CTC1: variants seen among roughly 807,000 people sequenced by gnomAD.
CTC1 encodes the protein CST telomere replication complex component 1.
Under a neutral mutation model 136.3 loss-of-function variants are expected in CTC1, and 91 were observed. The observed-to-expected ratio is 0.67, with a 90% CI of 0.56 to 0.79. The LOEUF is 0.79. CTC1 is among the 30% of genes least tolerant of loss of function. CTC1 has a pLI of 0.00. For missense variants in CTC1, 1,432 were observed against 1,498.1 expected (o/e 0.96, Z 0.73); for synonymous variants, 606 against 613.8 (o/e 0.99, Z 0.19).
intron 10 of CTC1, among the ~76,000 whole-genome samples, chr17:8,233,936 C>T (rs1036589123): frequency 2.0e-5 from 3 of 151,910 alleles, no homozygotes; most frequent in African/African-American, 4.8e-5. Context: ...GATCCTGTCT[C>T]GAAAAAAAGG....
intron 20 of CTC1, 86 bp downstream of exon 20, chr17:8,229,056 A>G (rs1317382541): frequency 6.7e-7 from 1 of 1,502,528 alleles, no homozygotes; most frequent in Non-Finnish European, 9.1e-7. Flanking sequence ...CTCATGAGCC[A>G]GGAATTATGC....
intron 1 of CTC1, among the ~76,000 whole-genome samples, chr17:8,244,339 T>C (rs1988507413): frequency 2.6e-5 from 4 of 152,178 alleles, no homozygotes; most frequent in Admixed American, 2.0e-4. Flanking sequence ...GGACACACAC[T>C]TGCCATGATA....
Position 8,235,161 on chromosome 17 carries a change from G to C in CTC1, c.1331C>G (p.Ser444Cys). 1.2e-6 allele frequency: 2 copies of C among 1,614,188 alleles called. No individual in the cohort carries two copies. Among genetic ancestry groups the C allele is most frequent in the Non-Finnish European group, 1.7e-6 (2 of 1,180,028 alleles). Residue 444 changes from serine (S) to cysteine (C), a missense_variant, in exon 8 of 23, where the codon TCC becomes TGC. Ser to Cys is a moderately radical substitution (Grantham distance 112). Transcript: ENST00000651323. ...CAGGGAGGCCCCGTAGGCTTGACGG[G>C]ATGAGTGAGCCCCAGGCTTCTGACG... is the stretch of plus-strand genomic sequence containing the variant. The part of the protein sequence containing the change: ...FSRQKPGAHS[S>C]RQAYGASLYE...
rs1987952101 is a variant in CTC1, at chr17:8,238,613, C to T, written c.214G>A (p.Asp72Asn). ...GGGAGACGCTGGTGAGTCTTGAGGT[C>T]CTGTACTGAGACGAAGCTGTAGAGT... ...PLSYSFVSVQ[D>N]LKTHQRLPCC... The change falls in exon 3 of 23, where the codon GAC becomes AAC. Residue 72 changes from aspartate (D) to asparagine (N), a missense_variant. Coordinates refer to ENST00000651323, the MANE Select transcript of CTC1 (RefSeq NM_025099.6). The T allele has an allele frequency of 6.2e-7, 1 of 1,605,794 alleles. No individual in the cohort carries two copies. The highest frequency in any genetic ancestry group is 8.5e-7 in the Non-Finnish European group (1 of 1,175,742).
chr17:8,234,887 T>A lies in CTC1; in HGVS notation c.1479A>T (p.Gln493His). 6.2e-7 allele frequency: 1 copy of A among 1,610,078 alleles called. No homozygotes were observed. The highest frequency in any genetic ancestry group is 8.5e-7 in the Non-Finnish European group (1 of 1,178,028). The change falls in exon 9 of 23, where the codon CAA becomes CAT. Residue 493 changes from glutamine to histidine, a missense_variant. Gln to His is a conservative substitution (Grantham distance 24). Coordinates refer to ENST00000651323, the MANE Select transcript of CTC1 (RefSeq NM_025099.6). ...PHVLRHHQFL[Q>H]HSSPGSPSLG... ...GGCTGGGGCTCCCAGGAGAGGAATGTTGCAGGAACTGGTGGTGTCTCAGCA... is the reference window on the plus strand; with the variant it reads ...GGCTGGGGCTCCCAGGAGAGGAATGATGCAGGAACTGGTGGTGTCTCAGCA...
intron 10 of CTC1, 22 bp downstream of exon 10, chr17:8,234,433 G>A: frequency 6.5e-7 from 1 of 1,548,690 alleles, no homozygotes; most frequent in Non-Finnish European, 8.7e-7. Flanking sequence ...AATCACCTGA[G>A]CCCTGCTAGG....
In CTC1 at chr17:8,234,583, A is replaced by G. The variant is rs1157046549; in HGVS notation, c.1690T>C (p.Trp564Arg). 6.2e-7 allele frequency: 1 copy of G among 1,607,778 alleles called. No homozygotes were observed. The highest frequency in any genetic ancestry group is 1.3e-5 in the African/African-American group (1 of 74,894). The stretch of plus-strand genomic sequence containing the variant: ...AGGGCCTTAGGGTCAAAGGAGGCCC[A>G]GGCCTTACGCTGTCCTTCTTCTTTC... ...TLKEEGQRKA[W>R]ASFDPKALLP... is the part of the protein sequence containing the mutation. The change falls in exon 10 of 23, where the codon TGG becomes CGG. Residue 564 changes from tryptophan (W) to arginine (R), a missense_variant. By Grantham distance (101) the Trp-to-Arg change is moderately radical. Transcript: ENST00000651323.
At chr17:8,242,556 ATATAT>A (rs201606952) in intron 2 of CTC1, among the ~76,000 whole-genome samples, 11,793 of 63,058 alleles carry the variant, frequency 0.19, 1,084 homozygotes, top group East Asian at 0.44. Context: ...AAAAAAAAAT[ATATAT>A]ATATATATAT....
intron 2 of CTC1, among the ~76,000 whole-genome samples, chr17:8,240,931 C>T (rs7226046): frequency 0.02 from 2,984 of 152,118 alleles, 105 homozygotes; most frequent in African/African-American, 0.068. Flanking sequence ...TTAATGCCTA[C>T]CAAATAGGGA....
rs1237260493 is a variant in CTC1, at chr17:8,234,601, CTTCT to C, written c.1668_1671del (p.Glu557LysfsTer90). On this transcript the variant is annotated frameshift_variant, in exon 10 of 23. Transcript: ENST00000651323. LOFTEE classifies it high-confidence loss of function. ...GAGGCCCAGGCCTTACGCTGTCCTT[CTTCT>C]TTCAGGGTGGCCAGAGTGGGGAAGG... is the stretch of plus-strand genomic sequence containing the variant. 3 of 1,612,088 alleles carry C rather than the reference CTTCT, an allele frequency of 1.9e-6. No homozygotes were observed. The highest frequency in any genetic ancestry group is 2.5e-6 in the Non-Finnish European group (3 of 1,179,126).
intron 2 of CTC1, among the ~76,000 whole-genome samples, chr17:8,240,716 C>T (rs948690166): frequency 6.8e-6 from 1 of 147,436 alleles, no homozygotes; most frequent in African/African-American, 2.5e-5. Context: ...CCCGTCTCTA[C>T]CAAAAATACA....
chr17:8,240,932 C>T lies in CTC1; in HGVS notation c.197+2053G>A, dbSNP rs1023605006. On this transcript the variant is annotated intron_variant, in intron 2 of 22. Transcript: ENST00000651323. ...TAACAAAATATCATTTAATGCCTAC[C>T]AAATAGGGAAAAATAAATAAAAATA... Among the ~76,000 whole-genome samples, 5 of 152,110 alleles carry T rather than the reference C, an allele frequency of 3.3e-5. No individual in the cohort carries two copies. In the East Asian group the frequency reaches 7.7e-4, roughly 24 times the overall value.
chr17:8,232,511 G>A (rs1290929877), intron 11 of CTC1, 36 bp from the exon 12 acceptor site: 6 of 1,572,656 alleles, frequency 3.8e-6, no homozygotes, highest in Non-Finnish European at 4.4e-6. Context: ...GACAAGAAAG[G>A]AGACCTGTGG....
chr17:8,245,815 C>T (rs1020073529), intron 1 of CTC1, among the ~76,000 whole-genome samples: 2 of 152,092 alleles, frequency 1.3e-5, no homozygotes, highest in Admixed American at 1.3e-4. Context: ...GCCTGTAGTC[C>T]CAGCTACTCG....
intron 10 of CTC1, among the ~76,000 whole-genome samples, chr17:8,233,869 C>G (rs1197649155): frequency 6.6e-6 from 1 of 152,074 alleles, no homozygotes; most frequent in African/African-American, 2.4e-5. Flanking sequence ...CCTGGGAGGT[C>G]GAGACTGCAA....
rs1434397163 is a variant in CTC1 at position 8,226,635 on chromosome 17, G to A, written c.*1545C>T. On this transcript the variant is annotated 3_prime_UTR_variant, in exon 23 of 23. Transcript: ENST00000651323. The stretch of plus-strand genomic sequence containing the variant: ...CGTAGTCGGCAGGATTCGAACCTGC[G>A]CGGGGAGACCCCAATGGATTTCTAG... The A allele has an allele frequency of 6.6e-6, 1 of 151,646 alleles. No homozygotes were observed. The highest frequency in any genetic ancestry group is 2.4e-5 in the African/African-American group (1 of 40,934). The allele number at this position is 151,646 out of a possible 1,614,324, so 9.4% of individuals were successfully genotyped here.
intron 10 of CTC1, chr17:8,233,586 A>G (rs1987430741): frequency 6.5e-6 from 1 of 153,272 alleles, no homozygotes; most frequent in African/African-American, 2.4e-5. Context: ...CCTGGGAAAC[A>G]TGGCAAAATC....
chr17:8,237,163 T>TG (rs1290513017), intron 5 of CTC1, among the ~76,000 whole-genome samples: 1 of 152,120 alleles, frequency 6.6e-6, no homozygotes, highest in Non-Finnish European at 1.5e-5. Context: ...CTAAAAGCTG[T>TG]GTGCTCAAGT....
intron 20 of CTC1, 110 bp downstream of exon 20, chr17:8,229,032 A>C: frequency 6.8e-7 from 1 of 1,470,468 alleles, no homozygotes; most frequent in Non-Finnish European, 9.3e-7. Context: ...TCGTTCAAAA[A>C]ATATTAAGCA....
Sources: allele counts gnomAD v4.1 joint callset (sites outside exome capture counted in the v4.1 genomes callset), GRCh38; gene constraint gnomAD v4.1.1; transcripts MANE v1.5; gene names NCBI Gene and HGNC (gene_info 2026-07-23, HGNC 2026-07-21).